Variants in SPATA13 observed in about 807,000 individuals in gnomAD.
SPATA13 encodes spermatogenesis associated 13.
Under a neutral mutation model 104.0 loss-of-function variants are expected in SPATA13, and 50 were observed. The observed-to-expected ratio is 0.48, with a 90% CI of 0.38 to 0.61. The LOEUF is 0.61. Among genes scored for constraint, SPATA13 ranks in the 20% least tolerant of loss-of-function variants. The pLI is 0.00. For synonymous variants in SPATA13, 606 were observed against 667.5 expected (o/e 0.91, Z 1.42); for missense variants, 1,524 against 1,690.6 (o/e 0.90, Z 1.73).
rs184515070 is a variant in SPATA13, at chr13:24,183,026, C to T, written c.-112+22094C>T. 4.0e-3 allele frequency among the ~76,000 whole-genome samples: 603 copies of T among 152,286 alleles called. 1 individual carries two copies. Among genetic ancestry groups the T allele is most frequent in the Non-Finnish European group, 6.5e-3 (443 of 68,020 alleles). On this transcript the variant is annotated intron_variant, in intron 1 of 12. Coordinates refer to ENST00000382108, the MANE Select transcript of SPATA13 (RefSeq NM_001166271.3). ...CAGGGCTTCTGAGGATATCTGCTTA[C>T]ATATATTCCTCATTCACATAACTTG...
Position 24,161,515 on chromosome 13 carries a change from C to A in SPATA13, c.-112+583C>A, listed in dbSNP as rs1442018171. 6.6e-6 allele frequency among the ~76,000 whole-genome samples: 1 copy of A among 152,168 alleles called. No homozygotes were observed. Among genetic ancestry groups the A allele is most frequent in the East Asian group, 1.9e-4 (1 of 5,188 alleles). On this transcript the variant is annotated intron_variant, in intron 1 of 12. Coordinates refer to ENST00000382108, the MANE Select transcript of SPATA13 (RefSeq NM_001166271.3). The surrounding 1 kb of genome is among the most constrained non-coding windows in gnomAD (Gnocchi z 4.5). ...CTGTGGACTGCAGGGAATGCATTGG[C>A]GGAGTTGGTTTGGTCCCATTCTGTG... is the stretch of plus-strand genomic sequence containing the variant.
intron 2 of SPATA13, among the ~76,000 whole-genome samples, chr13:23,987,223 G>A (rs1042108617): frequency 2.6e-5 from 4 of 152,200 alleles, no homozygotes; most frequent in Middle Eastern, 3.4e-3. Context: ...TTCTTTCAGT[G>A]GTTGTGTCTC....
exon 2 of SPATA13, chr13:23,983,836 A>G (rs1339020683): frequency 4.1e-6 from 4 of 978,242 alleles, no homozygotes; most frequent in Admixed American, 6.2e-5. Context: ...TGGGAGTCAT[A>G]TTCGCTGCCT....
intron 3 of SPATA13, among the ~76,000 whole-genome samples, chr13:24,143,761 A>G (rs1881840399): frequency 6.6e-6 from 1 of 152,194 alleles, no homozygotes; most frequent in Non-Finnish European, 1.5e-5. Flanking sequence ...TGGCTACTTG[A>G]TGCCATGTCT....
At chr13:24,026,289 C>G (rs1000512322) in intron 3 of SPATA13, among the ~76,000 whole-genome samples, 1 of 152,152 alleles carries the variant, frequency 6.6e-6, no homozygotes, top group Non-Finnish European at 1.5e-5. Flanking sequence ...AGCTACCCTC[C>G]TCTGTTTTCT....
upstream of SPATA13, among the ~76,000 whole-genome samples, chr13:24,158,555 T>C (rs1882331122): frequency 6.6e-6 from 1 of 152,216 alleles, no homozygotes; most frequent in South Asian, 2.1e-4. Context: ...GTCAGATCAG[T>C]GAATTTTCTC....
chr13:24,061,873 A>T (rs547098985), intron 3 of SPATA13, among the ~76,000 whole-genome samples: 82 of 151,652 alleles, frequency 5.4e-4, no homozygotes, highest in Non-Finnish European at 6.5e-4. Context: ...AAAGTTTTTA[A>T]AAAAAATTAA....
At chr13:24,195,067 A>T (rs890851690) in intron 1 of SPATA13, among the ~76,000 whole-genome samples, 6 of 152,044 alleles carry the variant, frequency 3.9e-5, no homozygotes, top group South Asian at 2.1e-4. Context: ...CCTTTTTAGC[A>T]CCCCGCAAAG....
chr13:24,299,441 A>T (rs557675625), intron 11 of SPATA13, among the ~76,000 whole-genome samples: 3 of 152,336 alleles, frequency 2.0e-5, no homozygotes, highest in African/African-American at 7.2e-5. Context: ...TACTTGATGC[A>T]TGTGTGTGGG....
At chr13:24,100,130 T>G (rs942882) in intron 3 of SPATA13, among the ~76,000 whole-genome samples, 87,563 of 151,438 alleles carry the variant, frequency 0.58, 25,425 homozygotes, top group South Asian at 0.69. Context: ...ATTTTATAAT[T>G]TTTAAATAGT....
At chr13:24,013,699 T>C (rs1006146005) in intron 2 of SPATA13, among the ~76,000 whole-genome samples, 1 of 149,688 alleles carries the variant, frequency 6.7e-6, no homozygotes, top group Admixed American at 6.8e-5. Flanking sequence ...AGTCTTTTTT[T>C]TTTCCACTTT....
At chr13:24,268,808 A>G (rs1036861690) in intron 4 of SPATA13, among the ~76,000 whole-genome samples, 7 of 152,192 alleles carry the variant, frequency 4.6e-5, no homozygotes, top group African/African-American at 1.7e-4. Flanking sequence ...TGAACTGGTC[A>G]TAAGAGTTTG....
intron 1 of SPATA13, among the ~76,000 whole-genome samples, chr13:24,181,080 G>A (rs541760022): frequency 2.6e-5 from 4 of 152,176 alleles, no homozygotes; most frequent in Admixed American, 6.5e-5. Flanking sequence ...AGAAAAATAC[G>A]GTATAAAAGT....
chr13:24,189,299 G>A (rs111463756), intron 1 of SPATA13, among the ~76,000 whole-genome samples: 5,195 of 151,638 alleles, frequency 0.034, 289 homozygotes, highest in African/African-American at 0.12. Context: ...GTGAAACCCC[G>A]TCTCTACTAG....
At chr13:24,015,987 C>T (rs1488541489) in intron 2 of SPATA13, among the ~76,000 whole-genome samples, 1 of 152,222 alleles carries the variant, frequency 6.6e-6, no homozygotes, top group Non-Finnish European at 1.5e-5. Flanking sequence ...CTTGGCTCCA[C>T]AGTGACTTGG....
intron 1 of SPATA13, among the ~76,000 whole-genome samples, chr13:24,210,950 C>A (rs1163487648): frequency 6.6e-6 from 1 of 151,984 alleles, no homozygotes; most frequent in Non-Finnish European, 1.5e-5. Context: ...GTGTACAGAT[C>A]TTTCACCTCC....
At chr13:24,086,198 G>A (rs1047871676) in intron 3 of SPATA13, among the ~76,000 whole-genome samples, 1 of 152,156 alleles carries the variant, frequency 6.6e-6, no homozygotes, top group African/African-American at 2.4e-5. Flanking sequence ...TAACAGGCCC[G>A]GCTACGTTTG....
chr13:24,020,842 G>A (rs1303846822), intron 3 of SPATA13, among the ~76,000 whole-genome samples: 1 of 152,184 alleles, frequency 6.6e-6, no homozygotes, highest in African/African-American at 2.4e-5. Flanking sequence ...ACGAGTTCAA[G>A]ACCAGCCTGG....
intron 3 of SPATA13, among the ~76,000 whole-genome samples, chr13:24,072,323 C>T (rs1379926157): frequency 6.6e-6 from 1 of 152,196 alleles, no homozygotes; most frequent in Non-Finnish European, 1.5e-5. Flanking sequence ...TAAAATCTTT[C>T]TACCTGGATA....
Sources: gnomAD v4.1 joint callset for allele counts (sites outside exome capture counted in the v4.1 genomes callset) on GRCh38, gnomAD v4.1.1 for gene constraint, Gnocchi (gnomAD v3.1) non-coding constraint, MANE v1.5 for transcripts, NCBI Gene and HGNC (gene_info 2026-07-23, HGNC 2026-07-21) for gene names.